Variants in DMXL1 observed in about 807,000 individuals in gnomAD.
DMXL1 encodes the protein dmX-like protein 1.
Under a neutral mutation model 319.2 loss-of-function variants are expected in DMXL1, and 99 were observed. The ratio of observed to expected loss-of-function variants is 0.31; its 90% CI spans 0.26 to 0.37. DMXL1 has a LOEUF of 0.37. DMXL1 is among the 10% of genes least tolerant of loss of function. The pLI, the probability that DMXL1 is intolerant of heterozygous loss-of-function variation, is 1.00. For missense variants in DMXL1, 3,745 were observed against 3,595.6 expected, an observed-to-expected ratio of 1.04 and a Z score of -1.06; for synonymous variants, 1,385 against 1,235.2, an observed-to-expected ratio of 1.12 and a Z score of -2.54.
intron 1 of DMXL1, among the ~76,000 whole-genome samples, chr5:119,081,214 C>T (rs1461804593): frequency 6.6e-6 from 1 of 152,188 alleles, no homozygotes. Flanking sequence ...GCAAAGAAGA[C>T]AGCTGCGTTT....
At chr5:119,235,720 A>G (rs1273300095) in intron 39 of DMXL1, among the ~76,000 whole-genome samples, 5 of 152,102 alleles carry the variant, frequency 3.3e-5, no homozygotes, top group African/African-American at 1.2e-4. Context: ...TGAGAATGAA[A>G]AAGGTTATTT....
intron 31 of DMXL1, among the ~76,000 whole-genome samples, chr5:119,197,148 T>G (rs1402398708): frequency 6.6e-6 from 1 of 152,218 alleles, no homozygotes; most frequent in Admixed American, 6.5e-5. Context: ...TTTAACTTTA[T>G]GTATTGTTTT....
Position 119,116,254 on chromosome 5 carries a change from A to G in DMXL1, c.661A>G (p.Ile221Val). Residue 221 changes from isoleucine to valine, a missense_variant, in exon 7 of 44, where the codon ATT (isoleucine) becomes GTT (valine). By Grantham distance (29) the Ile-to-Val change is conservative (BLOSUM62 3). This residue lies in a region of DMXL1 where 2,096 missense variants were observed against 1,985.4 expected (regional missense o/e 1.06). Coordinates refer to ENST00000539542, the MANE Select transcript of DMXL1 (RefSeq NM_001290321.3). ...GSSEKQSQGE[I>V]DFSFVYLAHP... ...TTCAGAAAAACAATCCCAAGGAGAAATTGACTTTTCTTTTGTGTATCTGGC... is the reference window on the plus strand; with the variant it reads ...TTCAGAAAAACAATCCCAAGGAGAAGTTGACTTTTCTTTTGTGTATCTGGC... 2 of 1,614,124 alleles carry G rather than the reference A, an allele frequency of 1.2e-6. No individual in the cohort carries two copies. Among genetic ancestry groups the G allele is most frequent in the Non-Finnish European group, 8.5e-7 (1 of 1,180,010 alleles).
intron 23 of DMXL1, among the ~76,000 whole-genome samples, chr5:119,169,927 G>T (rs1325752496): frequency 6.6e-6 from 1 of 152,158 alleles, no homozygotes; most frequent in African/African-American, 2.4e-5. Context: ...ATAACTGGAC[G>T]TTTTAAATTA....
Position 119,084,155 on chromosome 5 carries a change from C to A in DMXL1, c.87+12499C>A, listed in dbSNP as rs1248226215. Among the ~76,000 whole-genome samples, 4 of 151,354 alleles carry A rather than the reference C, an allele frequency of 2.6e-5. No homozygotes were observed. The East Asian group carries it at 7.8e-4, about 30-fold the overall frequency. On this transcript the variant is annotated intron_variant, in intron 1 of 43. Coordinates refer to ENST00000539542, the MANE Select transcript of DMXL1 (RefSeq NM_001290321.3). ...TTTTTTTTTAAGACGGAGTCTTGTG[C>A]TGTTGCCCAGGCTGGAGTGTGGTGG...
chr5:119,125,518 G>C (rs1763328162), intron 9 of DMXL1, among the ~76,000 whole-genome samples: 1 of 152,092 alleles, frequency 6.6e-6, no homozygotes, highest in African/African-American at 2.4e-5. Flanking sequence ...TAGCTAAGGA[G>C]GGCACTAAAT....
intron 37 of DMXL1, among the ~76,000 whole-genome samples, chr5:119,221,395 T>C (rs1026837386): frequency 1.2e-4 from 19 of 152,204 alleles, no homozygotes; most frequent in African/African-American, 4.3e-4. Flanking sequence ...ATGACCTGTT[T>C]TTATATAGCT....
At chr5:119,166,485 A>C (rs1277291586) in intron 21 of DMXL1, 131 bp from the exon 22 acceptor site, 2 of 679,394 alleles carry the variant, frequency 2.9e-6, no homozygotes, top group Non-Finnish European at 4.9e-6. Context: ...GAAAAGAAGC[A>C]GATACATAGT....
intron 43 of DMXL1, among the ~76,000 whole-genome samples, chr5:119,245,713 G>C (rs749590684): frequency 3.6e-4 from 54 of 151,544 alleles, no homozygotes; most frequent in Non-Finnish European, 6.2e-4. Flanking sequence ...CTAATTTTTT[G>C]TGTTTTAGTA....
At chr5:119,183,020 C>G (rs1777050155) in intron 28 of DMXL1, among the ~76,000 whole-genome samples, 1 of 152,078 alleles carries the variant, frequency 6.6e-6, no homozygotes, top group South Asian at 2.1e-4. Context: ...ACCTCTTTAT[C>G]TTAATAAATT....
chr5:119,130,220 G>A (rs189276744), intron 10 of DMXL1, among the ~76,000 whole-genome samples: 1 of 152,166 alleles, frequency 6.6e-6, no homozygotes, highest in Non-Finnish European at 1.5e-5. Flanking sequence ...AGTTTGATAA[G>A]TATCCTTCCA....
chr5:119,117,293 A>C (rs1209577120), intron 7 of DMXL1, among the ~76,000 whole-genome samples: 2 of 152,116 alleles, frequency 1.3e-5, no homozygotes, highest in Non-Finnish European at 1.5e-5. Context: ...TGCCTGCCTC[A>C]GTCTCCCAAA....
At chr5:119,171,359 A>G (rs961983303) in intron 24 of DMXL1, 79 bp downstream of exon 24, 6 of 1,392,584 alleles carry the variant, frequency 4.3e-6, no homozygotes, top group South Asian at 1.5e-5. Flanking sequence ...TTTGAATACT[A>G]AGACTTGATT....
intron 32 of DMXL1, among the ~76,000 whole-genome samples, chr5:119,199,520 G>A (rs535667797): frequency 2.6e-5 from 4 of 152,210 alleles, no homozygotes; most frequent in Non-Finnish European, 5.9e-5. Context: ...ATGCTGCAGC[G>A]AACACTTGTG....
chr5:119,119,927 A>G (rs1761675714), intron 8 of DMXL1, among the ~76,000 whole-genome samples: 1 of 151,106 alleles, frequency 6.6e-6, no homozygotes, highest in African/African-American at 2.4e-5. Flanking sequence ...GTCACCCAGG[A>G]TGGAGTGTAG....
At chr5:119,159,750 A>C (rs1771869294) in intron 19 of DMXL1, among the ~76,000 whole-genome samples, 1 of 152,138 alleles carries the variant, frequency 6.6e-6, no homozygotes, top group African/African-American at 2.4e-5. Context: ...CAATCTCTCA[A>C]GTAGCTGGGA....
chr5:119,092,234 T>G (rs1754962274), intron 1 of DMXL1, among the ~76,000 whole-genome samples: 1 of 152,206 alleles, frequency 6.6e-6, no homozygotes. Context: ...TGGTGATACT[T>G]TCAGCACTGT....
chr5:119,190,538 A>G (rs138556594), intron 29 of DMXL1, among the ~76,000 whole-genome samples: 1 of 152,334 alleles, frequency 6.6e-6, no homozygotes, highest in African/African-American at 2.4e-5. Flanking sequence ...CCTGTGATAA[A>G]TCCATATGAT....
At chr5:119,093,620 T>A (rs1755292487) in intron 1 of DMXL1, among the ~76,000 whole-genome samples, 1 of 152,158 alleles carries the variant, frequency 6.6e-6, no homozygotes, top group East Asian at 1.9e-4. Flanking sequence ...GAGTTACACA[T>A]CTCTTTCTTT....
Sources: gnomAD v4.1 joint callset for allele counts (sites outside exome capture counted in the v4.1 genomes callset) on GRCh38, gnomAD v4.1.1 for gene constraint, gnomAD v4.1.1 regional missense constraint, MANE v1.5 for transcripts, NCBI Gene and HGNC (gene_info 2026-07-23, HGNC 2026-07-21) for gene names.